ASAP3: variants seen among roughly 807,000 people sequenced by gnomAD.
ASAP3 encodes ArfGAP with SH3 domain, ankyrin repeat and PH domain 3.
In ASAP3, 85 loss-of-function variants were observed where a neutral mutation model predicts 118.2. The observed-to-expected ratio is 0.72, with a 90% confidence interval of 0.60 to 0.86. The LOEUF (loss-of-function observed/expected upper bound fraction) is 0.86, where lower values mean the gene tolerates loss of function less well. ASAP3 is among the 40% of genes least tolerant of loss of function. The pLI, the probability that ASAP3 is intolerant of heterozygous loss-of-function variation, is 0.00. For missense variants in ASAP3, 1,026 were observed against 1,175.0 expected (o/e 0.87, Z 1.85); for synonymous variants, 432 against 477.4 (o/e 0.90, Z 1.24).
Position 23,431,824 on chromosome 1 carries a change from C to A in ASAP3, c.2418G>T (p.Leu806Phe). 1 of 1,572,204 alleles carries A rather than the reference C, an allele frequency of 6.4e-7. No homozygotes were observed. Among genetic ancestry groups the A allele is most frequent in the Admixed American group, 2.0e-5 (1 of 49,400 alleles). Residue 806 changes from leucine (L) to phenylalanine (F), a missense_variant, in exon 23 of 25, where the codon TTG becomes TTT. By Grantham distance (22) the Leu-to-Phe change is conservative (BLOSUM62 0). Transcript: ENST00000336689. ...PASSSSLMSP[L>F]EPGDPSQAPP... The stretch of plus-strand genomic sequence containing the variant: ...GGGCTTGGCTGGGATCCCCAGGTTC[C>A]AAGGGGCTCATCAGACTGGAGGAGG...
At chr1:23,473,901 G>C (rs1289272164) in intron 1 of ASAP3, among the ~76,000 whole-genome samples, 1 of 151,374 alleles carries the variant, frequency 6.6e-6, no homozygotes, top group Non-Finnish European at 1.5e-5. Context: ...CCCTTCTAGG[G>C]AGAACTTCTC....
Position 23,429,632 on chromosome 1 carries a change from G to C in ASAP3, c.*224C>G, listed in dbSNP as rs1640352414. On this transcript the variant is annotated 3_prime_UTR_variant, in exon 25 of 25. Transcript: ENST00000336689. ...CCACAGGGCTCCCAGGCCCCTAGCGGGTAATGAGATAGGAAAGAACCGCCA... is the reference window on the plus strand; with the variant it reads ...CCACAGGGCTCCCAGGCCCCTAGCGCGTAATGAGATAGGAAAGAACCGCCA... 1 of 465,262 alleles carries C rather than the reference G, an allele frequency of 2.1e-6. No individual in the cohort carries two copies. Among genetic ancestry groups the C allele is most frequent in the Non-Finnish European group, 3.8e-6 (1 of 260,316 alleles). 28.8% of individuals were successfully genotyped at this position (465,262 alleles called of 1,614,324 possible).
intron 3 of ASAP3, among the ~76,000 whole-genome samples, chr1:23,453,843 C>A (rs1641299754): frequency 6.6e-6 from 1 of 152,126 alleles, no homozygotes; most frequent in East Asian, 1.9e-4. Flanking sequence ...TAGTCCACAC[C>A]CTAGTTTTTC....
intron 1 of ASAP3, among the ~76,000 whole-genome samples, chr1:23,465,426 G>C (rs1641733452): frequency 6.6e-6 from 1 of 152,212 alleles, no homozygotes; most frequent in Admixed American, 6.5e-5. Flanking sequence ...TAAAGATGAA[G>C]CTGTCAGGAG....
At chr1:23,476,329 CA>C (rs775043617) in intron 1 of ASAP3, among the ~76,000 whole-genome samples, 44 of 149,688 alleles carry the variant, frequency 2.9e-4, no homozygotes, top group Admixed American at 9.3e-4. Flanking sequence ...CTGGGCAATA[CA>C]GTGAGACTCC....
At chr1:23,443,720 G>A (rs538517735) in intron 5 of ASAP3, among the ~76,000 whole-genome samples, 3 of 143,386 alleles carry the variant, frequency 2.1e-5, no homozygotes, top group East Asian at 4.0e-4. Flanking sequence ...TTTTTCAGAC[G>A]GAGTCTCGCT....
At chr1:23,440,998 G>A (rs1032803206) in intron 10 of ASAP3, 104 bp downstream of exon 10, 34 of 1,081,154 alleles carry the variant, frequency 3.1e-5, no homozygotes, top group South Asian at 5.8e-5. Flanking sequence ...AACCCTCGGT[G>A]TCTACACAAA....
At position 23,456,002 on chromosome 1, in the gene ASAP3, T is replaced by C; in HGVS notation, c.227A>G (p.Tyr76Cys). 1 of 1,614,116 alleles carries C rather than the reference T, an allele frequency of 6.2e-7. No individual in the cohort carries two copies. Among genetic ancestry groups the C allele is most frequent in the Non-Finnish European group, 8.5e-7 (1 of 1,180,008 alleles). ...GCCTAAGGATTCCACGGCCTCTCGG[T>C]ACTGCTCTTCATTCTCCACATGGCC... ...GLGHVENEEQYREAVESLGNS... is the reference protein window; with the variant it reads ...GLGHVENEEQCREAVESLGNS... Residue 76 changes from tyrosine (Y) to cysteine (C), a missense_variant, in exon 3 of 25, where the codon TAC becomes TGC. Physicochemically the swap from Tyr to Cys is radical, Grantham distance 194. Transcript: ENST00000336689.
chr1:23,464,701 T>C, intron 1 of ASAP3, among the ~76,000 whole-genome samples: 1 of 140,278 alleles, frequency 7.1e-6, no homozygotes, highest in African/African-American at 2.8e-5. Flanking sequence ...AAAATCAGCT[T>C]CTGGGTTCAG....
At chr1:23,441,273 G>C (rs765627626) in intron 9 of ASAP3, 62 bp from the exon 10 acceptor site, 2 of 1,599,324 alleles carry the variant, frequency 1.3e-6, no homozygotes, top group Non-Finnish European at 1.7e-6. Flanking sequence ...CCCATTCTGC[G>C]GGGGCTCACT....
chr1:23,435,603 T>C (rs1332606145), intron 17 of ASAP3: 1 of 569,324 alleles, frequency 1.8e-6, no homozygotes, highest in African/African-American at 1.9e-5. Context: ...TAACCCCTTT[T>C]ATAGATGAGG....
intron 1 of ASAP3, among the ~76,000 whole-genome samples, chr1:23,477,499 G>A (rs1167684947): frequency 6.6e-6 from 1 of 151,972 alleles, no homozygotes; most frequent in Non-Finnish European, 1.5e-5. Context: ...AGTTAGGAGT[G>A]TGGTCAAGTA....
intron 1 of ASAP3, among the ~76,000 whole-genome samples, chr1:23,469,333 T>A (rs1328002974): frequency 6.6e-6 from 1 of 151,990 alleles, no homozygotes; most frequent in East Asian, 1.9e-4. Context: ...TAATAATAAA[T>A]AAAATAAACT....
chr1:23,483,934 G>A (rs1266741339), intron 1 of ASAP3, 71 bp downstream of exon 1: 11 of 1,224,994 alleles, frequency 9.0e-6, no homozygotes, highest in Non-Finnish European at 1.1e-5. Context: ...CAGCTCGGGT[G>A]CGACACGCCT....
At chr1:23,461,063 G>T (rs1368423823) in intron 1 of ASAP3, among the ~76,000 whole-genome samples, 3 of 152,206 alleles carry the variant, frequency 2.0e-5, no homozygotes, top group African/African-American at 7.2e-5. Context: ...GGGTAGTGAG[G>T]AGGAACAGGT....
At chr1:23,444,741 C>T (rs1570355350) in intron 5 of ASAP3, among the ~76,000 whole-genome samples, 1 of 152,186 alleles carries the variant, frequency 6.6e-6, no homozygotes, top group South Asian at 2.1e-4. Flanking sequence ...GGTAAGACCT[C>T]TGGGATAGTG....
chr1:23,432,010 T>C, intron 22 of ASAP3, 92 bp from the exon 23 acceptor site: 1 of 1,162,574 alleles, frequency 8.6e-7, no homozygotes, highest in Middle Eastern at 2.9e-4. Context: ...TAGGATTTTT[T>C]TTTTTTTTTT....
chr1:23,456,809 G>A (rs1312299577), intron 1 of ASAP3, among the ~76,000 whole-genome samples: 1 of 152,214 alleles, frequency 6.6e-6, no homozygotes, highest in Non-Finnish European at 1.5e-5. Flanking sequence ...AGAGGGGTTG[G>A]AGGCATTCAG....
At chr1:23,433,857 T>C (rs1640536483) in intron 19 of ASAP3, among the ~76,000 whole-genome samples, 164 bp from the exon 20 acceptor site, 1 of 152,188 alleles carries the variant, frequency 6.6e-6, no homozygotes, top group Non-Finnish European at 1.5e-5. Context: ...TGGGACAAAA[T>C]TGTTTATGAA....
Sources: allele counts gnomAD v4.1 joint callset (sites outside exome capture counted in the v4.1 genomes callset), GRCh38; gene constraint gnomAD v4.1.1; transcripts MANE v1.5; gene names NCBI Gene and HGNC (gene_info 2026-07-23, HGNC 2026-07-21).